Variants in RUNX2 observed in about 807,000 individuals in gnomAD.
RUNX2 encodes the protein RUNX family transcription factor 2.
RUNX2 carries 10 observed loss-of-function variants against 51.7 expected under a neutral mutation model. The ratio of observed to expected loss-of-function variants is 0.19; its 90% confidence interval spans 0.12 to 0.33. The LOEUF (loss-of-function observed/expected upper bound fraction) is 0.33. Among genes scored for constraint, RUNX2 ranks in the 10% least tolerant of loss-of-function variants. RUNX2 has a pLI of 1.00. For synonymous variants in RUNX2, 276 were observed against 273.6 expected, an observed-to-expected ratio of 1.01 and a Z score of -0.09; for missense variants, 562 against 691.3, an observed-to-expected ratio of 0.81 and a Z score of 2.10.
At chr6:45,476,869 T>C (rs1409674813) in intron 5 of RUNX2, among the ~76,000 whole-genome samples, 1 of 152,206 alleles carries the variant, frequency 6.6e-6, no homozygotes, top group African/African-American at 2.4e-5. Flanking sequence ...GGTATTCTTA[T>C]GCAAGGATGT....
At chr6:45,488,734 G>A (rs774908857) in intron 5 of RUNX2, among the ~76,000 whole-genome samples, 2 of 152,166 alleles carry the variant, frequency 1.3e-5, no homozygotes, top group East Asian at 3.9e-4. Context: ...GCTAGAGAAG[G>A]GATCCAGGAC....
intron 2 of RUNX2, 86 bp downstream of exon 2, chr6:45,328,870 CA>C: frequency 7.4e-7 from 1 of 1,350,648 alleles, no homozygotes; most frequent in Non-Finnish European, 1.1e-6. Flanking sequence ...CTAGCTTTTC[CA>C]AATAGCATAT....
intron 2 of RUNX2, among the ~76,000 whole-genome samples, chr6:45,342,850 A>G (rs1473031821): frequency 6.6e-6 from 1 of 152,224 alleles, no homozygotes; most frequent in East Asian, 1.9e-4. Flanking sequence ...AAAGTCCTCC[A>G]ATTACAAGAT....
At chr6:45,388,249 C>A (rs1409843030) in intron 2 of RUNX2, among the ~76,000 whole-genome samples, 1 of 152,110 alleles carries the variant, frequency 6.6e-6, no homozygotes, top group Non-Finnish European at 1.5e-5. Context: ...ACCTAATGAT[C>A]CCAGTTTTTT....
intron 2 of RUNX2, among the ~76,000 whole-genome samples, chr6:45,412,421 G>A (rs928064824): frequency 1.3e-5 from 2 of 151,922 alleles, no homozygotes; most frequent in African/African-American, 4.8e-5. Context: ...TCTTTTGTAC[G>A]TATGAGAAGT....
chr6:45,546,454 C>G (rs1802402460), intron 8 of RUNX2, among the ~76,000 whole-genome samples: 2 of 152,112 alleles, frequency 1.3e-5, no homozygotes, highest in African/African-American at 4.8e-5. Flanking sequence ...AAAAATTTCA[C>G]TTCAAATATC....
At chr6:45,341,995 T>C (rs896776901) in intron 2 of RUNX2, among the ~76,000 whole-genome samples, 2 of 151,868 alleles carry the variant, frequency 1.3e-5, no homozygotes, top group African/African-American at 4.8e-5. Context: ...GTTATTAACC[T>C]AGCATTAAAA....
At chr6:45,335,982 C>T (rs796149179) in intron 2 of RUNX2, among the ~76,000 whole-genome samples, 1 of 151,200 alleles carries the variant, frequency 6.6e-6, no homozygotes, top group Non-Finnish European at 1.5e-5. Flanking sequence ...AGACAATGTG[C>T]TACAGTGTAT....
intron 5 of RUNX2, among the ~76,000 whole-genome samples, chr6:45,479,823 T>C (rs1406981038): frequency 6.6e-6 from 1 of 152,200 alleles, no homozygotes; most frequent in Non-Finnish European, 1.5e-5. Context: ...TTGAGAATAA[T>C]ACACTTTAAA....
rs768473049 is a variant in RUNX2 at position 45,547,118 on chromosome 6, C to T, written c.1379C>T (p.Pro460Leu). ...SSGSYQFPMV[P>L]GGDRSPSRML... ...GGATCCTATCAGTTTCCCATGGTGC[C>T]GGGGGGAGACCGGTCTCCTTCCAGA... The change falls in exon 9 of 9, where the codon CCG (proline) becomes CTG (leucine). Residue 460 changes from proline (P) to leucine (L), a missense_variant. Coordinates refer to ENST00000647337, the MANE Select transcript of RUNX2 (RefSeq NM_001024630.4). 19 of 1,613,938 alleles carry T rather than the reference C, an allele frequency of 1.2e-5. No homozygotes were observed. The highest frequency in any genetic ancestry group is 6.7e-5 in the African/African-American group (5 of 74,880).
chr6:45,349,187 G>A (rs1363709414), intron 2 of RUNX2, among the ~76,000 whole-genome samples: 12 of 152,048 alleles, frequency 7.9e-5, no homozygotes, highest in Admixed American at 5.9e-4. Context: ...AAAGAATATC[G>A]CTAGTATTTC....
chr6:45,410,809 A>G (rs1359291414), intron 2 of RUNX2, among the ~76,000 whole-genome samples: 1 of 152,196 alleles, frequency 6.6e-6, no homozygotes, highest in Non-Finnish European at 1.5e-5. Context: ...CACCTGAAAC[A>G]ATTAGTTTGG....
intron 5 of RUNX2, among the ~76,000 whole-genome samples, chr6:45,457,679 GC>G (rs1799353549): frequency 1.3e-5 from 2 of 152,190 alleles, no homozygotes; most frequent in African/African-American, 4.8e-5. Context: ...AACTAAAGCA[GC>G]CTTTCTAGTG....
chr6:45,505,765 G>A (rs1200629073), intron 6 of RUNX2, among the ~76,000 whole-genome samples: 1 of 152,194 alleles, frequency 6.6e-6, no homozygotes, highest in African/African-American at 2.4e-5. Flanking sequence ...ATGGAAAGCA[G>A]ATGCAACCAC....
At chr6:45,346,662 G>A (rs1048918104) in intron 2 of RUNX2, among the ~76,000 whole-genome samples, 5 of 151,400 alleles carry the variant, frequency 3.3e-5, no homozygotes, top group African/African-American at 1.2e-4. Flanking sequence ...CCACCTCCTG[G>A]GTTCAAGCAA....
rs1802438777 is a variant in RUNX2 at position 45,547,504 on chromosome 6, AAG to A, written c.*205_*206del. ...GTAGATATTGAGAAGCAGAAGGCTCAAGAGAGACAATTGCAATCGAGCTTCAG... is the reference window on the plus strand; with the variant it reads ...GTAGATATTGAGAAGCAGAAGGCTCAAGAGACAATTGCAATCGAGCTTCAG... On this transcript the variant is annotated 3_prime_UTR_variant, in exon 9 of 9. Coordinates refer to ENST00000647337, the MANE Select transcript of RUNX2 (RefSeq NM_001024630.4). 1.7e-6 allele frequency: 1 copy of A among 600,858 alleles called. No homozygotes were observed. The highest frequency in any genetic ancestry group is 1.9e-5 in the African/African-American group (1 of 53,830). The allele number at this position is 600,858 out of a possible 1,614,324, so 37.2% of individuals were successfully genotyped here. A position where few individuals can be genotyped will look rare whatever the true frequency, so the allele number is the denominator to read the frequency against.
chr6:45,367,545 C>A (rs575796077), intron 2 of RUNX2, among the ~76,000 whole-genome samples: 21 of 151,794 alleles, frequency 1.4e-4, no homozygotes, highest in Non-Finnish European at 2.2e-4. Context: ...GGACAAAATG[C>A]GAAAAAAAGG....
chr6:45,405,936 A>G (rs1387237605), intron 2 of RUNX2, among the ~76,000 whole-genome samples: 1 of 152,200 alleles, frequency 6.6e-6, no homozygotes, highest in Non-Finnish European at 1.5e-5. Context: ...CACTTTCTTC[A>G]TCTGAAAATA....
At chr6:45,493,509 G>A (rs533634070) in intron 6 of RUNX2, among the ~76,000 whole-genome samples, 1 of 151,996 alleles carries the variant, frequency 6.6e-6, no homozygotes, top group Admixed American at 6.6e-5. Context: ...TGGGAGAGTG[G>A]GGGGGCGGTG....
Sources: gnomAD v4.1 joint callset for allele counts (sites outside exome capture counted in the v4.1 genomes callset) on GRCh38, gnomAD v4.1.1 for gene constraint, MANE v1.5 for transcripts, NCBI Gene and HGNC (gene_info 2026-07-23, HGNC 2026-07-21) for gene names.